Variants in UNC13C observed in about 807,000 individuals in gnomAD.
UNC13C encodes the protein unc-13 homolog C, also known as protein unc-13 homolog C.
A neutral mutation model predicts 245.4 loss-of-function variants in UNC13C; 174 were observed. That is an observed-to-expected ratio of 0.71 (90% confidence interval 0.63 to 0.80). UNC13C has a LOEUF of 0.80. UNC13C is among the 30% of genes least tolerant of loss of function. The pLI, the probability that UNC13C is intolerant of heterozygous loss-of-function variation, is 0.00. For missense variants in UNC13C, 2,829 were observed against 2,602.9 expected (o/e 1.09, Z -1.89); for synonymous variants, 992 against 895.1 (o/e 1.11, Z -1.93).
intron 4 of UNC13C, among the ~76,000 whole-genome samples, chr15:54,174,645 A>G (rs1285156044): frequency 6.6e-6 from 1 of 152,192 alleles, no homozygotes; most frequent in Non-Finnish European, 1.5e-5. Context: ...ATTCTATCTT[A>G]ATCATAAATT....
intron 2 of UNC13C, among the ~76,000 whole-genome samples, chr15:54,098,158 C>G (rs765248899): frequency 2.6e-4 from 39 of 152,024 alleles, no homozygotes; most frequent in Non-Finnish European, 4.9e-4. Flanking sequence ...TGGTGACTCC[C>G]TCTATAGCGT....
At chr15:54,221,957 A>G (rs1210091823) in intron 4 of UNC13C, among the ~76,000 whole-genome samples, 1 of 152,036 alleles carries the variant, frequency 6.6e-6, no homozygotes, top group African/African-American at 2.4e-5. Context: ...TTTATTTTAA[A>G]TTTTAAATTT....
chr15:54,360,380 G>A (rs1288782017), intron 17 of UNC13C, among the ~76,000 whole-genome samples: 1 of 151,970 alleles, frequency 6.6e-6, no homozygotes, highest in Non-Finnish European at 1.5e-5. Context: ...TGAACAATCT[G>A]TCCATTGCTG....
At chr15:53,926,745 T>TG in the UNC13C span, among the ~76,000 whole-genome samples, 1 of 13,780 alleles carries the variant, frequency 7.3e-5, no homozygotes, top group Non-Finnish European at 3.4e-3. Context: ...AGGAAGAAGA[T>TG]ACCAATCTTT....
At chr15:54,550,183 A>G (rs898888773) in intron 28 of UNC13C, among the ~76,000 whole-genome samples, 1 of 152,278 alleles carries the variant, frequency 6.6e-6, no homozygotes, top group South Asian at 2.1e-4. Flanking sequence ...TGGCTAAAAT[A>G]CATGCTATTT....
chr15:54,472,997 C>A (rs187845526), intron 19 of UNC13C, among the ~76,000 whole-genome samples: 1 of 151,474 alleles, frequency 6.6e-6, no homozygotes, highest in Non-Finnish European at 1.5e-5. Flanking sequence ...GTTATTCAAC[C>A]CTCTTTTCCC....
At chr15:54,282,667 G>A (rs1464706219) in intron 10 of UNC13C, among the ~76,000 whole-genome samples, 3 of 152,200 alleles carry the variant, frequency 2.0e-5, no homozygotes, top group Non-Finnish European at 4.4e-5. Flanking sequence ...ACAAGTGCAA[G>A]GGGCCAGTGT....
At chr15:53,873,293 G>A in the UNC13C span, among the ~76,000 whole-genome samples, 1 of 152,102 alleles carries the variant, frequency 6.6e-6, no homozygotes, top group Non-Finnish European at 1.5e-5. Context: ...TGGGGTTCTT[G>A]CAAAAGATCC....
intron 17 of UNC13C, among the ~76,000 whole-genome samples, chr15:54,349,695 G>A (rs2038937478): frequency 6.6e-6 from 1 of 152,160 alleles, no homozygotes; most frequent in South Asian, 2.1e-4. Context: ...TGGCAAGTAA[G>A]CCGGGAGCCA....
At chr15:54,361,536 G>C (rs1182442574) in intron 17 of UNC13C, among the ~76,000 whole-genome samples, 1 of 152,126 alleles carries the variant, frequency 6.6e-6, no homozygotes, top group African/African-American at 2.4e-5. Context: ...TTCCTTTGGT[G>C]ATGTCATATT....
At chr15:54,235,358 A>G (rs935739396) in intron 5 of UNC13C, among the ~76,000 whole-genome samples, 4 of 152,188 alleles carry the variant, frequency 2.6e-5, no homozygotes, top group African/African-American at 9.6e-5. Context: ...GACCCTAATA[A>G]TTGGAGCAAA....
intron 20 of UNC13C, among the ~76,000 whole-genome samples, chr15:54,499,399 G>A (rs1345802015): frequency 6.6e-6 from 1 of 152,036 alleles, no homozygotes; most frequent in Non-Finnish European, 1.5e-5. Context: ...GAGTTTTGGT[G>A]GGGACACAGA....
intron 13 of UNC13C, among the ~76,000 whole-genome samples, chr15:54,311,590 C>T (rs527495414): frequency 1.2e-3 from 189 of 151,472 alleles, no homozygotes; most frequent in African/African-American, 4.1e-3. Flanking sequence ...CTTTATTTTG[C>T]GTTAGGAACT....
rs11854413 is a variant in UNC13C, at chr15:54,539,011, G to A, written c.5696+5945G>A. Among the ~76,000 whole-genome samples, 994 of 151,286 alleles carry A rather than the reference G, an allele frequency of 6.6e-3. 5 individuals are homozygous for A. Among genetic ancestry groups the A allele is most frequent in the Middle Eastern group, 0.027 (8 of 294 alleles). Reference sequence around the variant, plus strand: ...CTGAATTTAAATAAGAGTTGGAAAGGAAAAAAAAGTTGGATATTCTTCCAG... The same window carrying A: ...CTGAATTTAAATAAGAGTTGGAAAGAAAAAAAAAGTTGGATATTCTTCCAG... On this transcript the variant is annotated intron_variant, in intron 26 of 32. Transcript: ENST00000260323.
intron 25 of UNC13C, among the ~76,000 whole-genome samples, chr15:54,526,740 GAAAAAAAAAAA>G (rs1164016477): frequency 9.5e-5 from 6 of 63,096 alleles, no homozygotes; most frequent in East Asian, 7.0e-4. Context: ...ACTCCGTCTA[GAAAAAAAAAAA>G]AAAAAAAAAA....
At chr15:54,137,169 T>G (rs2031781054) in intron 2 of UNC13C, among the ~76,000 whole-genome samples, 2 of 152,226 alleles carry the variant, frequency 1.3e-5, no homozygotes, top group African/African-American at 4.8e-5. Flanking sequence ...TTGCATTCCT[T>G]GAAACATCCT....
chr15:54,608,849 G>T (rs191520622), intron 30 of UNC13C, among the ~76,000 whole-genome samples: 1 of 152,094 alleles, frequency 6.6e-6, no homozygotes, highest in African/African-American at 2.4e-5. Flanking sequence ...TACTGTCCTT[G>T]CTGAATTATG....
intron 1 of UNC13C, among the ~76,000 whole-genome samples, chr15:54,007,224 G>C (rs190658645): frequency 2.6e-5 from 4 of 152,216 alleles, no homozygotes. Context: ...CACAGTCCAG[G>C]ACACGTAACA....
chr15:54,225,409 C>T (rs1444958597), intron 4 of UNC13C, among the ~76,000 whole-genome samples: 1 of 152,168 alleles, frequency 6.6e-6, no homozygotes, highest in East Asian at 1.9e-4. Flanking sequence ...GCAGTATGCC[C>T]ATTTTCACAA....
Sources: gnomAD v4.1 joint callset for allele counts (sites outside exome capture counted in the v4.1 genomes callset) on GRCh38, gnomAD v4.1.1 for gene constraint, MANE v1.5 for transcripts, NCBI Gene and HGNC (gene_info 2026-07-23, HGNC 2026-07-21) for gene names.